The following RORA variants were observed in gnomAD, a reference collection of about 807,000 sequenced individuals.
RORA encodes the protein nuclear receptor ROR-alpha.
A neutral mutation model predicts 69.5 loss-of-function variants in RORA; 7 were observed. That is an observed-to-expected ratio of 0.10 (90% confidence interval 0.06 to 0.19). RORA has a LOEUF of 0.19. Ranked by LOEUF, RORA falls within the 10% of genes least tolerant of loss-of-function variation. The pLI is 1.00. For synonymous variants in RORA, 261 were observed against 240.8 expected (o/e 1.08, Z -0.78); for missense variants, 457 against 663.0 (o/e 0.69, Z 3.41).
At chr15:60,768,031 T>G (rs17204426) in intron 1 of RORA, among the ~76,000 whole-genome samples, 58,379 of 152,170 alleles carry the variant, frequency 0.38, 13,284 homozygotes, top group Non-Finnish European at 0.5. Context: ...GGAGTTTTCC[T>G]GGCTGAATCA....
Position 60,733,914 on chromosome 15 carries a change from CAGAGAGAGAGAG to C in RORA, c.167-55240_167-55229del, listed in dbSNP as rs58672002. Among the ~76,000 whole-genome samples, 323 of 101,474 alleles carry C rather than the reference CAGAGAGAGAGAG, an allele frequency of 3.2e-3. 2 individuals are homozygous for C. The highest frequency in any genetic ancestry group is 0.011 in the African/African-American group (298 of 27,486). The allele number at this position is 101,474 out of a possible 152,430, so 66.6% of individuals were successfully genotyped here. A position where few individuals can be genotyped will look rare whatever the true frequency, so the allele number is the denominator to read the frequency against. ...CACAGGTGAGCGGTTAGAATAGGGG[CAGAGAGAGAGAG>C]AGAGAGAGAGAGAGAGAGAGAGAGA... On this transcript the variant is annotated intron_variant, in intron 1 of 10. Transcript: ENST00000335670.
At chr15:60,775,144 G>A (rs1449566697) in intron 1 of RORA, among the ~76,000 whole-genome samples, 2 of 151,652 alleles carry the variant, frequency 1.3e-5, no homozygotes, top group South Asian at 2.1e-4. Flanking sequence ...AACTTGTGTC[G>A]GGCTTCCTGA....
chr15:61,131,550 G>A lies in RORA; in HGVS notation c.166+97503C>T, dbSNP rs138194560. ...ACTTTGGCCATCCACTGGAAAACTG[G>A]AGGAACTGGGATCTAGTTACTCATG... On this transcript the variant is annotated intron_variant, in intron 1 of 10. Coordinates refer to ENST00000335670, the MANE Select transcript of RORA (RefSeq NM_134261.3). The surrounding 1 kb of genome is among the most constrained non-coding windows in gnomAD (Gnocchi z 4.2). Among the ~76,000 whole-genome samples, 3,679 of 152,298 alleles carry A rather than the reference G, an allele frequency of 0.024. 84 individuals are homozygous for A. Among genetic ancestry groups the A allele is most frequent in the Non-Finnish European group, 0.034 (2,312 of 68,018 alleles).
At chr15:60,832,606 TA>T (rs2073056075) in intron 1 of RORA, among the ~76,000 whole-genome samples, 7 of 152,266 alleles carry the variant, frequency 4.6e-5, no homozygotes, top group African/African-American at 1.7e-4. Context: ...AGCATACTCT[TA>T]GACATCTATA....
intron 1 of RORA, among the ~76,000 whole-genome samples, chr15:60,808,593 G>T (rs1163227595): frequency 6.6e-6 from 1 of 151,632 alleles, no homozygotes; most frequent in Non-Finnish European, 1.5e-5. Context: ...GTCATTATAT[G>T]AAAAAGATAC....
At chr15:60,941,071 T>C (rs535132892) in intron 1 of RORA, among the ~76,000 whole-genome samples, 1 of 152,348 alleles carries the variant, frequency 6.6e-6, no homozygotes, top group South Asian at 2.1e-4. Context: ...AAACAAGTTA[T>C]ACTCATTAGA....
At chr15:61,172,054 C>T (rs545467464) in intron 1 of RORA, among the ~76,000 whole-genome samples, 2 of 152,150 alleles carry the variant, frequency 1.3e-5, no homozygotes, top group African/African-American at 4.8e-5. Context: ...GCTCAGGGGA[C>T]CAGTTGCAGT....
At chr15:60,587,997 C>T (rs578201828) in intron 2 of RORA, among the ~76,000 whole-genome samples, 12 of 152,246 alleles carry the variant, frequency 7.9e-5, no homozygotes, top group South Asian at 2.1e-4. Flanking sequence ...GCTCTGACTA[C>T]GACTCTCTCA....
At chr15:61,100,173 G>T (rs2078858338) in intron 1 of RORA, among the ~76,000 whole-genome samples, 1 of 143,200 alleles carries the variant, frequency 7.0e-6, no homozygotes, top group Non-Finnish European at 1.5e-5. Flanking sequence ...AGGCTGGAGT[G>T]CAGTGACACG....
At chr15:61,116,484 A>G (rs536268322) in intron 1 of RORA, among the ~76,000 whole-genome samples, 2 of 152,296 alleles carry the variant, frequency 1.3e-5, no homozygotes, top group African/African-American at 4.8e-5. Context: ...ATCACCGGAT[A>G]CCCCATTCCT....
chr15:61,223,901 T>C (rs1254495965), intron 1 of RORA, among the ~76,000 whole-genome samples: 78 of 151,996 alleles, frequency 5.1e-4, no homozygotes, highest in Non-Finnish European at 7.4e-5. Context: ...TTTTAAAGCA[T>C]TAATTTTAAA....
intron 1 of RORA, among the ~76,000 whole-genome samples, chr15:60,952,136 A>G (rs376873455): frequency 0.024 from 3,647 of 151,320 alleles, 79 homozygotes; most frequent in Middle Eastern, 0.051. Context: ...TTGGTTCAAT[A>G]TACGCAAATC....
chr15:61,212,572 AG>A (rs2080003108), intron 1 of RORA, among the ~76,000 whole-genome samples: 1 of 152,062 alleles, frequency 6.6e-6, no homozygotes, highest in South Asian at 2.1e-4. Flanking sequence ...TTGTATTTTT[AG>A]TAGAGAAAGG....
At chr15:60,675,005 T>C (rs2070532516) in intron 2 of RORA, among the ~76,000 whole-genome samples, 1 of 152,156 alleles carries the variant, frequency 6.6e-6, no homozygotes, top group Non-Finnish European at 1.5e-5. Flanking sequence ...TGTGTTGTGG[T>C]GGCTGTCTGA....
intron 1 of RORA, among the ~76,000 whole-genome samples, chr15:61,053,628 A>C (rs557378535): frequency 6.6e-6 from 1 of 151,968 alleles, no homozygotes; most frequent in East Asian, 1.9e-4. Flanking sequence ...GACCAGGAGA[A>C]AGAGGTAGAA....
chr15:60,857,605 TC>T (rs1237989322), intron 1 of RORA, among the ~76,000 whole-genome samples: 4 of 151,882 alleles, frequency 2.6e-5, no homozygotes, highest in Non-Finnish European at 5.9e-5. Flanking sequence ...CCTCAAAGCA[TC>T]CAGCCAAGCA....
chr15:60,839,060 A>T (rs1567209469), intron 1 of RORA, among the ~76,000 whole-genome samples: 1 of 150,786 alleles, frequency 6.6e-6, no homozygotes, highest in East Asian at 1.9e-4. Context: ...ACCTGGCTAA[A>T]TTTTTTTTTG....
intron 1 of RORA, among the ~76,000 whole-genome samples, chr15:60,909,996 A>G (rs139188480): frequency 3.9e-5 from 6 of 152,298 alleles, no homozygotes; most frequent in South Asian, 2.1e-4. Flanking sequence ...AGAAAAATCT[A>G]TATGTGCCCT....
intron 1 of RORA, among the ~76,000 whole-genome samples, chr15:60,859,435 A>C (rs1342204358): frequency 2.0e-5 from 3 of 148,932 alleles, no homozygotes; most frequent in African/African-American, 7.4e-5. Flanking sequence ...AGAGATCTCG[A>C]GCTCCACCCC....
Sources: allele counts gnomAD v4.1 joint callset (sites outside exome capture counted in the v4.1 genomes callset), GRCh38; gene constraint gnomAD v4.1.1; non-coding constraint Gnocchi (gnomAD v3.1); transcripts MANE v1.5; gene names NCBI Gene and HGNC (gene_info 2026-07-23, HGNC 2026-07-21).